Variants in SUN1 observed in about 807,000 individuals in gnomAD.
The protein encoded by SUN1 is Sad1 and UNC84 domain containing 1, also known as SUN domain-containing protein 1.
Under a neutral mutation model 103.2 loss-of-function variants are expected in SUN1, and 61 were observed. The ratio of observed to expected loss-of-function variants is 0.59; its 90% CI spans 0.48 to 0.73. SUN1 has a LOEUF of 0.73. SUN1 is among the 30% of genes least tolerant of loss of function. The pLI, the probability that SUN1 is intolerant of heterozygous loss-of-function variation, is 0.00. For missense variants in SUN1, 1,052 were observed against 1,034.6 expected (o/e 1.02, Z -0.23); for synonymous variants, 490 against 425.7 (o/e 1.15, Z -1.86).
At chr7:816,223 A>ACCCCTCCGCGATGCAGC (rs1780400494), upstream of SUN1, 1 of 81,718 alleles carries the variant, frequency 1.2e-5, no homozygotes, top group African/African-American at 8.9e-5. Context: ...CCAGGTGCAG[A>ACCCCTCCGCGATGCAGC]CCCCTCCCCC....
chr7:838,602 C>T (rs1490735901), intron 1 of SUN1, among the ~76,000 whole-genome samples, 196 bp from the exon 2 acceptor site: 3 of 152,192 alleles, frequency 2.0e-5, no homozygotes, highest in Admixed American at 2.0e-4. Flanking sequence ...GGAAGAGTGG[C>T]TGGGGCAGAT....
chr7:827,466 GT>G (rs35772182), intron 1 of SUN1, among the ~76,000 whole-genome samples: 67 of 133,272 alleles, frequency 5.0e-4, no homozygotes, highest in South Asian at 1.0e-3. Flanking sequence ...TCTAAAGTCC[GT>G]TTTTTTTTTT....
rs766591405 is a variant in SUN1, at chr7:843,385, G to A, written c.523G>A (p.Ala175Thr). 1.1e-5 allele frequency: 18 copies of A among 1,609,816 alleles called. No individual in the cohort carries two copies. The highest frequency in any genetic ancestry group is 1.4e-5 in the Non-Finnish European group (17 of 1,177,600). Residue 175 changes from alanine (A) to threonine (T), a missense_variant, in exon 5 of 19, where the codon GCC becomes ACC. Ala to Thr is a moderately conservative substitution (Grantham distance 58). Around this residue, in one of 2 missense-constraint regions of SUN1, gnomAD observed 846 missense variants for 774.5 expected, o/e 1.09. Coordinates refer to ENST00000401592, the MANE Select transcript of SUN1 (RefSeq NM_001130965.3). ...AIQGNGDVGA[A>T]AATAHNGFSC... Reference sequence around the variant, plus strand: ...TCAGGGAAACGGGGATGTGGGAGCCGCCGCCGCCACCGCGCACAACGGCTT... The same window carrying A: ...TCAGGGAAACGGGGATGTGGGAGCCACCGCCGCCACCGCGCACAACGGCTT...
intron 1 of SUN1, among the ~76,000 whole-genome samples, chr7:837,750 G>C (rs941500454): frequency 2.0e-5 from 3 of 152,204 alleles, no homozygotes; most frequent in Non-Finnish European, 4.4e-5. Context: ...GTGTCCTCCT[G>C]TCTCCACTGG....
At chr7:829,404 G>T (rs530156575), upstream of SUN1, among the ~76,000 whole-genome samples, 33 of 152,154 alleles carry the variant, frequency 2.2e-4, no homozygotes, top group Non-Finnish European at 4.4e-4. Context: ...CAGGTGTGCC[G>T]GCGAGCAGTG....
upstream of SUN1, among the ~76,000 whole-genome samples, chr7:829,818 T>G (rs1252697840): frequency 6.6e-6 from 1 of 152,148 alleles, no homozygotes; most frequent in Admixed American, 6.5e-5. Flanking sequence ...CCTCCCAAAG[T>G]GCTGGGATTA....
At chr7:853,275 C>T in intron 9 of SUN1, 134 bp from the exon 10 acceptor site, 1 of 1,019,016 alleles carries the variant, frequency 9.8e-7, no homozygotes, top group Non-Finnish European at 1.4e-6. Context: ...CTCCGGGTTT[C>T]TGTGGATTCC....
rs116335103 is a variant in SUN1, at chr7:873,972, T to G, written c.*641T>G. On this transcript the variant is annotated 3_prime_UTR_variant, in exon 19 of 19. Transcript: ENST00000401592. Reference sequence around the variant, plus strand: ...ATGGAGGAATATGGGAGCGTTTCGCTCTCCTTGTAGGCTGAAGTCAGTCTG... The same window carrying G: ...ATGGAGGAATATGGGAGCGTTTCGCGCTCCTTGTAGGCTGAAGTCAGTCTG... 6,074 of 152,406 alleles carry G rather than the reference T, an allele frequency of 0.04. 130 individuals carry two copies. Among genetic ancestry groups the G allele is most frequent in the Non-Finnish European group, 0.048 (3,297 of 68,072 alleles). The allele number at this position is 152,406 out of a possible 1,614,324, so 9.4% of individuals were successfully genotyped here.
intron 16 of SUN1, 196 bp from the exon 17 acceptor site, chr7:869,153 T>C: frequency 3.4e-6 from 2 of 592,020 alleles, no homozygotes; most frequent in Non-Finnish European, 5.9e-6. Context: ...TTATACAACA[T>C]ATGGGTTGGA....
intron 16 of SUN1, among the ~76,000 whole-genome samples, chr7:866,383 G>A (rs1836593948): frequency 6.6e-6 from 1 of 152,126 alleles, no homozygotes; most frequent in Non-Finnish European, 1.5e-5. Context: ...GTTCCTGCTC[G>A]GGCCGTGGGT....
chr7:870,345 T>C (rs1348457892), intron 17 of SUN1, among the ~76,000 whole-genome samples: 1 of 152,000 alleles, frequency 6.6e-6, no homozygotes, highest in African/African-American at 2.4e-5. Flanking sequence ...ATCCTAGCAC[T>C]TTGGGAGGCT....
Position 860,440 on chromosome 7 carries a change from A to AG in SUN1, c.1779+59dup, listed in dbSNP as rs1161620849. The AG allele has an allele frequency of 8.2e-6, 13 of 1,589,798 alleles. No individual in the cohort carries two copies. In the African/African-American group the frequency reaches 1.7e-4, roughly 21 times the overall value. On this transcript the variant is annotated intron_variant, in intron 14 of 18. Transcript: ENST00000401592. The stretch of plus-strand genomic sequence containing the variant: ...ACAGTCCATTCTGTGCTGAGACTGA[A>AG]GACCTAGCTGTGAGGTGTGGATGTT...
At chr7:857,208 C>T (rs1237262753) in intron 12 of SUN1, among the ~76,000 whole-genome samples, 3 of 152,170 alleles carry the variant, frequency 2.0e-5, no homozygotes, top group East Asian at 3.9e-4. Context: ...GAGGTCCCCG[C>T]GTCTGCACTC....
chr7:868,983 G>A lies in SUN1; in HGVS notation c.1981-366G>A, dbSNP rs1488284114. ...GTGCTGGTTCCCTGTGGTGTTGGTC[G>A]GATGGGGGGACAGTGCTGGTTCCCT... On this transcript the variant is annotated intron_variant, in intron 16 of 18. Coordinates refer to ENST00000401592, the MANE Select transcript of SUN1 (RefSeq NM_001130965.3). The A allele has an allele frequency of 3.0e-5, 10 of 328,382 alleles. 1 individual carries two copies. Among genetic ancestry groups the A allele is most frequent in the African/African-American group, 1.6e-4 (7 of 45,012 alleles). The allele number at this position is 328,382 out of a possible 1,614,324, so 20.3% of individuals were successfully genotyped here.
intron 15 of SUN1, among the ~76,000 whole-genome samples, chr7:864,864 G>C (rs1411177125): frequency 6.6e-6 from 1 of 151,368 alleles, no homozygotes; most frequent in Non-Finnish European, 1.5e-5. Flanking sequence ...CCTGACCTCA[G>C]GTGATCCACC....
At chr7:827,615 GC>G (rs1223168176), upstream of SUN1, among the ~76,000 whole-genome samples, 1 of 149,644 alleles carries the variant, frequency 6.7e-6, no homozygotes, top group Non-Finnish European at 1.5e-5. Flanking sequence ...GACTACAGGT[GC>G]CCGCCACCAC....
intron 3 of SUN1, chr7:842,903 A>C (rs1474262083): frequency 1.1e-5 from 6 of 533,296 alleles, no homozygotes; most frequent in African/African-American, 7.7e-5. Flanking sequence ...TGCCTTGCTG[A>C]GCGGGCTGTG....
upstream of SUN1, among the ~76,000 whole-genome samples, chr7:830,214 G>A (rs1213949203): frequency 6.6e-6 from 1 of 152,244 alleles, no homozygotes; most frequent in Non-Finnish European, 1.5e-5. Flanking sequence ...AGAGCGCAGA[G>A]CACCTGCCTT....
chr7:829,129 G>T (rs1031778411), upstream of SUN1, among the ~76,000 whole-genome samples: 1 of 152,196 alleles, frequency 6.6e-6, no homozygotes, highest in Admixed American at 6.5e-5. Flanking sequence ...ATTCTTTCCA[G>T]GTTTTTCTGA....
Sources: allele counts gnomAD v4.1 joint callset (sites outside exome capture counted in the v4.1 genomes callset), GRCh38; gene constraint gnomAD v4.1.1; regional missense constraint gnomAD v4.1.1; transcripts MANE v1.5; gene names NCBI Gene and HGNC (gene_info 2026-07-23, HGNC 2026-07-21).